ZNF804B: variants seen among roughly 807,000 people sequenced by gnomAD.
The protein encoded by ZNF804B is zinc finger 804B.
A neutral mutation model predicts 101.4 loss-of-function variants in ZNF804B; 80 were observed. The observed-to-expected ratio is 0.79, with a 90% confidence interval of 0.66 to 0.95. ZNF804B has a LOEUF of 0.95. ZNF804B is among the 40% of genes least tolerant of loss of function. The probability of loss-of-function intolerance (pLI) is 0.00; values close to 1 mark genes in which losing one functional copy is unlikely to be tolerated. For missense variants in ZNF804B, 1,673 were observed against 1,561.9 expected (o/e 1.07, Z -1.20); for synonymous variants, 622 against 558.8 (o/e 1.11, Z -1.59).
At chr7:88,936,297 A>C (rs1792969428) in intron 1 of ZNF804B, among the ~76,000 whole-genome samples, 1 of 152,032 alleles carries the variant, frequency 6.6e-6, no homozygotes, top group Non-Finnish European at 1.5e-5. Context: ...TTATGTAGGG[A>C]AGTTTATGTA....
intron 1 of ZNF804B, among the ~76,000 whole-genome samples, chr7:89,193,258 C>A (rs1788488538): frequency 7.6e-6 from 1 of 132,158 alleles, no homozygotes; most frequent in African/African-American, 2.9e-5. Flanking sequence ...CCTATCATCT[C>A]AGCCCAAAAG....
At chr7:89,158,366 C>T (rs1412769825) in intron 1 of ZNF804B, among the ~76,000 whole-genome samples, 2 of 152,158 alleles carry the variant, frequency 1.3e-5, no homozygotes, top group Admixed American at 1.3e-4. Context: ...CTTTAGTCCT[C>T]TTCCTCCCTT....
In ZNF804B at chr7:88,784,316, A is replaced by G. The variant is rs10271829; in HGVS notation, c.108+24232A>G. On this transcript the variant is annotated intron_variant, in intron 1 of 3. Coordinates refer to ENST00000333190, the MANE Select transcript of ZNF804B (RefSeq NM_181646.5). ...TCTAAACTCACTTTCTGCACAGCTTAGTTTCTTCTAGAGATTAGTGCAATT... is the reference window on the plus strand; with the variant it reads ...TCTAAACTCACTTTCTGCACAGCTTGGTTTCTTCTAGAGATTAGTGCAATT... 2.1e-3 allele frequency among the ~76,000 whole-genome samples: 320 copies of G among 152,322 alleles called. 2 individuals are homozygous for G. The highest frequency in any genetic ancestry group is 7.4e-3 in the African/African-American group (309 of 41,584).
At chr7:89,270,030 T>C (rs1339792508) in intron 2 of ZNF804B, among the ~76,000 whole-genome samples, 1 of 152,218 alleles carries the variant, frequency 6.6e-6, no homozygotes, top group Non-Finnish European at 1.5e-5. Flanking sequence ...TTCACTCTGA[T>C]GGTAGTTTCT....
At chr7:88,761,695 T>C (rs1456457105) in intron 1 of ZNF804B, among the ~76,000 whole-genome samples, 1 of 152,162 alleles carries the variant, frequency 6.6e-6, no homozygotes, top group Non-Finnish European at 1.5e-5. Context: ...TCCTTTTGGT[T>C]ATGGAAAACT....
rs142487848 is a variant in ZNF804B, at chr7:88,971,250, G to A, written c.108+211166G>A. Among the ~76,000 whole-genome samples the A allele has an allele frequency of 1.3e-4, 20 of 151,664 alleles. No individual in the cohort carries two copies. In the East Asian group the frequency reaches 2.0e-3, roughly 15 times the overall value. ...TGGTCAATGACTGAAGTTTCATATA[G>A]CATTGGTTTGAAGGTCATTGCTGCA... On this transcript the variant is annotated intron_variant, in intron 1 of 3. Transcript: ENST00000333190.
chr7:88,998,520 T>C (rs1044013072), intron 1 of ZNF804B, among the ~76,000 whole-genome samples: 1 of 151,994 alleles, frequency 6.6e-6, no homozygotes, highest in Non-Finnish European at 1.5e-5. Context: ...TGATATTATC[T>C]CCAAATTTAC....
intron 1 of ZNF804B, among the ~76,000 whole-genome samples, chr7:89,169,205 A>G (rs933862290): frequency 1.9e-4 from 29 of 152,138 alleles, no homozygotes; most frequent in African/African-American, 6.5e-4. Flanking sequence ...GTGGACAGTG[A>G]ACGAAACCTC....
At chr7:89,204,446 C>T (rs1427221205) in intron 1 of ZNF804B, among the ~76,000 whole-genome samples, 1 of 152,130 alleles carries the variant, frequency 6.6e-6, no homozygotes, top group Admixed American at 6.5e-5. Flanking sequence ...GTTTCACACA[C>T]CCACACAGTA....
chr7:89,325,589 T>G (rs974025170), intron 2 of ZNF804B, among the ~76,000 whole-genome samples: 1 of 151,956 alleles, frequency 6.6e-6, no homozygotes, highest in Non-Finnish European at 1.5e-5. Context: ...AATAAAAGTA[T>G]AGTCCTGGAA....
In ZNF804B at chr7:88,909,836, C is replaced by A. The variant is rs1792522864; in HGVS notation, c.108+149752C>A. Reference sequence around the variant, plus strand: ...TTTACTTCCTGACTTCTTGATATTGCAAGACTGCATAAACGTCCTAATTAC... The same window carrying A: ...TTTACTTCCTGACTTCTTGATATTGAAAGACTGCATAAACGTCCTAATTAC... On this transcript the variant is annotated intron_variant, in intron 1 of 3. Coordinates refer to ENST00000333190, the MANE Select transcript of ZNF804B (RefSeq NM_181646.5). Among the ~76,000 whole-genome samples the A allele has an allele frequency of 6.6e-5, 10 of 151,584 alleles. No individual in the cohort carries two copies. In the South Asian group the frequency reaches 1.7e-3, roughly 25 times the overall value.
intron 1 of ZNF804B, among the ~76,000 whole-genome samples, chr7:89,079,174 T>C (rs963067482): frequency 2.4e-4 from 37 of 152,194 alleles, no homozygotes; most frequent in African/African-American, 7.7e-4. Context: ...CATTTGTGAA[T>C]GAGGGATAAG....
intron 1 of ZNF804B, among the ~76,000 whole-genome samples, chr7:88,999,703 T>A (rs1788256768): frequency 6.6e-6 from 1 of 152,050 alleles, no homozygotes; most frequent in South Asian, 2.1e-4. Flanking sequence ...TGTAAAAATA[T>A]TTTTTCATTT....
chr7:88,817,191 T>G (rs1790894427), intron 1 of ZNF804B, among the ~76,000 whole-genome samples: 1 of 151,434 alleles, frequency 6.6e-6, no homozygotes, highest in Non-Finnish European at 1.5e-5. Context: ...TGAGAACACA[T>G]GGACACAAGA....
intron 1 of ZNF804B, among the ~76,000 whole-genome samples, chr7:89,098,221 A>G (rs985441275): frequency 6.6e-6 from 1 of 152,072 alleles, no homozygotes; most frequent in African/African-American, 2.4e-5. Context: ...CATGTTCTTA[A>G]TCACCATGTT....
chr7:89,012,353 C>G (rs1227566754), intron 1 of ZNF804B, among the ~76,000 whole-genome samples: 1 of 152,154 alleles, frequency 6.6e-6, no homozygotes, highest in Non-Finnish European at 1.5e-5. Context: ...CATTTGGCCT[C>G]TCATCACTCA....
Position 89,136,769 on chromosome 7 carries a change from G to GCA in ZNF804B, c.109-81384_109-81383dup, listed in dbSNP as rs1584008206. Among the ~76,000 whole-genome samples the GCA allele has an allele frequency of 4.0e-5, 6 of 150,096 alleles. No homozygotes were observed. In the East Asian group the frequency reaches 7.9e-4, roughly 20 times the overall value. On this transcript the variant is annotated intron_variant, in intron 1 of 3. Transcript: ENST00000333190. ...TGTGTGTGTGTGTGTGTGTGTGCGC[G>GCA]CACGTGTGTGATGATTTGGCTATGT...
At chr7:88,999,881 T>G (rs1788259499) in intron 1 of ZNF804B, among the ~76,000 whole-genome samples, 1 of 152,004 alleles carries the variant, frequency 6.6e-6, no homozygotes, top group African/African-American at 2.4e-5. Flanking sequence ...CTAGTCCCTT[T>G]GAAAATTGTT....
chr7:89,068,931 C>A (rs905368787), intron 1 of ZNF804B, among the ~76,000 whole-genome samples: 1 of 152,086 alleles, frequency 6.6e-6, no homozygotes, highest in Non-Finnish European at 1.5e-5. Context: ...GAGTTTGTGC[C>A]CTAGGGGAAG....
Sources: allele counts gnomAD v4.1 joint callset (sites outside exome capture counted in the v4.1 genomes callset), GRCh38; gene constraint gnomAD v4.1.1; transcripts MANE v1.5; gene names NCBI Gene and HGNC (gene_info 2026-07-23, HGNC 2026-07-21).